ZC3H3: variants seen among roughly 807,000 people sequenced by gnomAD.
The protein encoded by ZC3H3 is zinc finger CCCH domain-containing protein 3.
Under a neutral mutation model 77.3 loss-of-function variants are expected in ZC3H3, and 36 were observed. That is an observed-to-expected ratio of 0.47 (90% CI 0.36 to 0.61). The LOEUF is 0.61. Among genes scored for constraint, ZC3H3 ranks in the 20% least tolerant of loss-of-function variants. ZC3H3 has a pLI of 0.00. For synonymous variants in ZC3H3, 626 were observed against 555.2 expected, an observed-to-expected ratio of 1.13 and a Z score of -1.79; for missense variants, 1,331 against 1,312.2, an observed-to-expected ratio of 1.01 and a Z score of -0.22.
intron 4 of ZC3H3, among the ~76,000 whole-genome samples, chr8:143,495,878 A>G (rs1044708090): frequency 4.0e-5 from 6 of 151,710 alleles, no homozygotes; most frequent in Non-Finnish European, 7.4e-5. Flanking sequence ...CTGTGATTAC[A>G]GGTGCAAGCC....
rs183451139 is a variant in ZC3H3, at chr8:143,517,962, G to C, written c.1562-10063C>G. Among the ~76,000 whole-genome samples the C allele has an allele frequency of 4.1e-3, 627 of 152,346 alleles. 3 individuals are homozygous for C. Among genetic ancestry groups the C allele is most frequent in the African/African-American group, 0.012 (495 of 41,588 alleles). On this transcript the variant is annotated intron_variant, in intron 3 of 11. Coordinates refer to ENST00000262577, the MANE Select transcript of ZC3H3 (RefSeq NM_015117.3). ...GGCCAGGACAGCAGCTCCAGGCTCT[G>C]AGTGAGGCACGGCCAAGCCCCGAGG...
At chr8:143,450,266 C>T (rs1003869219) in intron 9 of ZC3H3, among the ~76,000 whole-genome samples, 3 of 152,212 alleles carry the variant, frequency 2.0e-5, no homozygotes, top group African/African-American at 7.2e-5. Context: ...CCTGCAACCT[C>T]CACCTCCAGG....
In ZC3H3 at chr8:143,462,993, T is replaced by TG. The variant is rs1190575728; in HGVS notation, c.2307+2723_2307+2724insC. Among the ~76,000 whole-genome samples, 1 of 149,772 alleles carries TG rather than the reference T, an allele frequency of 6.7e-6. No homozygotes were observed. Among genetic ancestry groups the TG allele is most frequent in the Non-Finnish European group, 1.5e-5 (1 of 67,348 alleles). On this transcript the variant is annotated intron_variant, in intron 9 of 11. Coordinates refer to ENST00000262577, the MANE Select transcript of ZC3H3 (RefSeq NM_015117.3). This position sits in a 1 kb window ranked among gnomAD's most constrained non-coding sequence, Gnocchi z 4.7. ...GCGCCCAGACCCTGAGTCTCTTTTT[T>TG]TTTTTTTGAGACAGAGTCTCACTCT...
At chr8:143,442,292 C>T (rs1819762139) in intron 9 of ZC3H3, among the ~76,000 whole-genome samples, 1 of 151,962 alleles carries the variant, frequency 6.6e-6, no homozygotes, top group Non-Finnish European at 1.5e-5. Context: ...GAGTCTGAGT[C>T]CCTCTACACA....
chr8:143,441,065 G>C lies in ZC3H3; in HGVS notation c.2363C>G (p.Pro788Arg). ...GAGCAGCTGGCACTGGGCGCCGCGG[G>C]GACACGCCCCCCTGCGGGCAAAGTC... The part of the protein sequence containing the change: ...CPDFARRGAC[P>R]RGAQCQLLHR... Residue 788 changes from proline (P) to arginine (R), a missense_variant, in exon 10 of 12, where the codon CCC becomes CGC. Pro to Arg is a moderately radical substitution (Grantham distance 103, BLOSUM62 -2). Around this residue, in one of 3 missense-constraint regions of ZC3H3, gnomAD observed 249 missense variants for 236.9 expected, o/e 1.05. Coordinates refer to ENST00000262577, the MANE Select transcript of ZC3H3 (RefSeq NM_015117.3). The C allele has an allele frequency of 6.8e-7, 1 of 1,475,430 alleles. No individual in the cohort carries two copies. Among genetic ancestry groups the C allele is most frequent in the Non-Finnish European group, 8.9e-7 (1 of 1,124,380 alleles). 91.4% of individuals were successfully genotyped at this position (1,475,430 alleles called of 1,614,324 possible).
intron 5 of ZC3H3, among the ~76,000 whole-genome samples, chr8:143,472,031 T>C (rs1368326128): frequency 6.6e-6 from 1 of 152,152 alleles, no homozygotes. Flanking sequence ...CCACCAAGGC[T>C]GGCCAGCGGG....
chr8:143,538,708 C>A lies in ZC3H3; in HGVS notation c.659G>T (p.Ser220Ile). The A allele has an allele frequency of 6.2e-7, 1 of 1,608,864 alleles. No homozygotes were observed. The change falls in exon 2 of 12, where the codon AGT becomes ATT. Residue 220 changes from serine to isoleucine, a missense_variant. Ser to Ile is a moderately radical substitution (Grantham distance 142, BLOSUM62 -2). Coordinates refer to ENST00000262577, the MANE Select transcript of ZC3H3 (RefSeq NM_015117.3). ...DSPREPRRTVSESVIAVKASF... is the reference protein window; with the variant it reads ...DSPREPRRTVIESVIAVKASF... ...CGCCTTGACGGCAATCACACTCTCA[C>A]TGACTGTCCGGCGGGGCTCCCGGGG...
intron 9 of ZC3H3, among the ~76,000 whole-genome samples, chr8:143,463,021 T>A (rs564335495): frequency 9.8e-4 from 146 of 149,190 alleles, no homozygotes; most frequent in African/African-American, 3.4e-3. Context: ...CTCACTCTTG[T>A]CACGTAGGCT....
At position 143,441,001 on chromosome 8, in the gene ZC3H3, C is replaced by G. The variant is rs781474232; in HGVS notation, c.2427G>C (p.Thr809=). The G allele has an allele frequency of 6.8e-7, 1 of 1,470,224 alleles. No homozygotes were observed. Among genetic ancestry groups the G allele is most frequent in the Non-Finnish European group, 8.9e-7 (1 of 1,118,190 alleles). The allele number at this position is 1,470,224 out of a possible 1,614,324, so 91.1% of individuals were successfully genotyped here. A position where few individuals can be genotyped will look rare whatever the true frequency, so the allele number is the denominator to read the frequency against. ...TQKRHSRRAA[T]SPAPGPSDAT... ...CGTCGCTGGGCCCTGGGGCGGGGGA[C>G]GTGGCTGCCCGCCGACTGTGGCGTT... is the stretch of plus-strand genomic sequence containing the variant. Residue 809 remains threonine, a synonymous_variant, in exon 10 of 12, where the codon ACG becomes ACC. Coordinates refer to ENST00000262577, the MANE Select transcript of ZC3H3 (RefSeq NM_015117.3).
chr8:143,509,345 C>T (rs527247957), intron 3 of ZC3H3, among the ~76,000 whole-genome samples: 7 of 152,214 alleles, frequency 4.6e-5, no homozygotes, highest in Non-Finnish European at 1.0e-4. Flanking sequence ...GGTGACCTCA[C>T]CACCTTCCAG....
intron 4 of ZC3H3, among the ~76,000 whole-genome samples, chr8:143,495,731 C>G (rs1586923471): frequency 6.6e-6 from 1 of 151,410 alleles, no homozygotes; most frequent in Non-Finnish European, 1.5e-5. Flanking sequence ...CAGGTGCATG[C>G]CACCATGCCT....
intron 3 of ZC3H3, among the ~76,000 whole-genome samples, chr8:143,512,931 C>T (rs1821917198): frequency 6.6e-6 from 1 of 152,220 alleles, no homozygotes; most frequent in South Asian, 2.1e-4. Flanking sequence ...AGAGCCGAGC[C>T]TGCCTGGAAG....
intron 3 of ZC3H3, among the ~76,000 whole-genome samples, chr8:143,528,799 C>T (rs1402916743): frequency 6.6e-6 from 1 of 152,316 alleles, no homozygotes; most frequent in Middle Eastern, 3.4e-3. Context: ...CCTGAGGGAG[C>T]GAGGCCCTCC....
intron 4 of ZC3H3, among the ~76,000 whole-genome samples, chr8:143,495,786 G>C (rs1459769060): frequency 6.9e-6 from 1 of 144,566 alleles, no homozygotes; most frequent in Non-Finnish European, 1.5e-5. Flanking sequence ...TTTAACTGTA[G>C]AGACAGACGT....
Position 143,493,254 on chromosome 8 carries a change from T to C in ZC3H3, c.1715+14492A>G, listed in dbSNP as rs964094219. On this transcript the variant is annotated intron_variant, in intron 4 of 11. Coordinates refer to ENST00000262577, the MANE Select transcript of ZC3H3 (RefSeq NM_015117.3). The surrounding 1 kb of genome is among the most constrained non-coding windows in gnomAD (Gnocchi z 4.8). The stretch of plus-strand genomic sequence containing the variant: ...AGGGTCCTGTGTCCTGGCCCAGATC[T>C]GCCCTGCCTGCCAGCAAGGGCTGGG... Among the ~76,000 whole-genome samples the C allele has an allele frequency of 6.6e-6, 1 of 152,154 alleles. No homozygotes were observed. The highest frequency in any genetic ancestry group is 2.4e-5 in the African/African-American group (1 of 41,434).
intron 3 of ZC3H3, among the ~76,000 whole-genome samples, 180 bp downstream of exon 3, chr8:143,536,077 G>C (rs570227150): frequency 6.6e-6 from 1 of 152,202 alleles, no homozygotes; most frequent in Non-Finnish European, 1.5e-5. Context: ...ACTGCAGGGC[G>C]CAGCATCCGG....
At chr8:143,535,764 A>AGT (rs1491080952) in intron 3 of ZC3H3, among the ~76,000 whole-genome samples, 2 of 151,096 alleles carry the variant, frequency 1.3e-5, no homozygotes, top group Admixed American at 1.3e-4. Flanking sequence ...GCACACTTAG[A>AGT]GTGGTACAGC....
At chr8:143,488,134 GACCCCATCACCAC>G (rs1821096486) in intron 4 of ZC3H3, among the ~76,000 whole-genome samples, 1 of 2,638 alleles carries the variant, frequency 3.8e-4, no homozygotes, top group African/African-American at 5.8e-4. Flanking sequence ...CCCGCTCCAC[GACCCCATCACCAC>G]GAAGCTCACA....
intron 3 of ZC3H3, among the ~76,000 whole-genome samples, chr8:143,518,501 C>T (rs987023682): frequency 1.5e-4 from 23 of 152,262 alleles, no homozygotes; most frequent in Non-Finnish European, 2.6e-4. Context: ...CGACGTGTCC[C>T]GCTCAGACAG....
Sources: gnomAD v4.1 joint callset for allele counts (sites outside exome capture counted in the v4.1 genomes callset) on GRCh38, gnomAD v4.1.1 for gene constraint, gnomAD v4.1.1 regional missense constraint, Gnocchi (gnomAD v3.1) non-coding constraint, MANE v1.5 for transcripts, NCBI Gene and HGNC (gene_info 2026-07-23, HGNC 2026-07-21) for gene names.